The following SH3TC2 variants were observed in gnomAD, a reference collection of about 807,000 sequenced individuals.
SH3TC2 encodes SH3 domain and tetratricopeptide repeat-containing protein 2.
SH3TC2 carries 87 observed loss-of-function variants against 124.5 expected under a neutral mutation model. The ratio of observed to expected loss-of-function variants is 0.70; its 90% CI spans 0.59 to 0.84. The LOEUF is 0.84. SH3TC2 is among the 40% of genes least tolerant of loss of function. The pLI is 0.00. For synonymous variants in SH3TC2, 634 were observed against 628.5 expected (o/e 1.01, Z -0.13); for missense variants, 1,536 against 1,566.4 (o/e 0.98, Z 0.33).
chr5:149,040,523 T>G (rs1754351367), intron 7 of SH3TC2, 81 bp downstream of exon 7: 1 of 1,321,782 alleles, frequency 7.6e-7, no homozygotes, highest in Non-Finnish European at 1.1e-6. Flanking sequence ...TCACATCAAC[T>G]GACTCCAAAC....
intron 2 of SH3TC2, among the ~76,000 whole-genome samples, chr5:149,051,626 A>AT (rs1005424004): frequency 3.4e-4 from 52 of 151,808 alleles, no homozygotes; most frequent in African/African-American, 1.3e-3. Context: ...TAATTTTTTG[A>AT]TTTTTTGTTT....
At chr5:149,057,582 A>G (rs970391771) in intron 1 of SH3TC2, 6 of 152,176 alleles carry the variant, frequency 3.9e-5, no homozygotes, top group African/African-American at 1.4e-4. Flanking sequence ...ACAAATTTGC[A>G]TGTCATCCTT....
chr5:149,012,878 T>A, intron 12 of SH3TC2, 144 bp from the exon 13 acceptor site: 1 of 903,854 alleles, frequency 1.1e-6, no homozygotes, highest in Non-Finnish European at 1.8e-6. Context: ...ATGCCAGCTC[T>A]ACCCCAATCA....
intron 1 of SH3TC2, among the ~76,000 whole-genome samples, chr5:149,061,625 C>T (rs528610541): frequency 6.6e-6 from 1 of 152,134 alleles, no homozygotes; most frequent in Admixed American, 6.6e-5. Flanking sequence ...GTTGTCGAGG[C>T]AAGTAAAAGA....
At position 149,017,211 on chromosome 5, in the gene SH3TC2, G is replaced by C. The variant is rs142336101; in HGVS notation, c.3054-4477C>G. On this transcript the variant is annotated intron_variant, in intron 12 of 16. Transcript: ENST00000515425. ...TTTTTAGCACAGTGCCTGGGCCATA[G>C]TAAATGCTCGGTAAATATTTGTTGA... is the stretch of plus-strand genomic sequence containing the variant. 2.7e-3 allele frequency among the ~76,000 whole-genome samples: 414 copies of C among 152,236 alleles called. 2 individuals are homozygous for C. The highest frequency in any genetic ancestry group is 9.5e-3 in the African/African-American group (395 of 41,524).
rs1319197639 is a variant in SH3TC2 at position 148,997,042 on chromosome 5, TG to T, written c.*7668del. Among the ~76,000 whole-genome samples the T allele has an allele frequency of 6.6e-6, 1 of 152,212 alleles. No homozygotes were observed. Among genetic ancestry groups the T allele is most frequent in the Non-Finnish European group, 1.5e-5 (1 of 68,036 alleles). ...GCATAAGAAACAAAGCATCTGTACA[TG>T]AACATGGGCTCTTCCCAGGCTATTT... On this transcript the variant is annotated 3_prime_UTR_variant, in exon 17 of 17. Coordinates refer to ENST00000515425, the MANE Select transcript of SH3TC2 (RefSeq NM_024577.4).
chr5:149,045,639 G>A (rs1754446123), intron 3 of SH3TC2: 1 of 153,042 alleles, frequency 6.5e-6, no homozygotes, highest in African/African-American at 2.4e-5. Context: ...GGGTTTTTTT[G>A]TTTTCTTTTG....
chr5:149,058,052 C>T (rs1754681747), intron 1 of SH3TC2, among the ~76,000 whole-genome samples: 2 of 152,104 alleles, frequency 1.3e-5, no homozygotes, highest in Admixed American at 1.3e-4. Context: ...GACATTGAGT[C>T]CAACCCATAA....
rs1479725001 is a variant in SH3TC2, at chr5:148,987,470, T to C, written c.*17241A>G. Among the ~76,000 whole-genome samples, 2 of 152,244 alleles carry C rather than the reference T, an allele frequency of 1.3e-5. No homozygotes were observed. Among genetic ancestry groups the C allele is most frequent in the African/African-American group, 4.8e-5 (2 of 41,472 alleles). ...TCTCCCAGGCCTTATTCATGAGAGATCAGGCTGAGCTTCCAGCTAACATTT... is the reference window on the plus strand; with the variant it reads ...TCTCCCAGGCCTTATTCATGAGAGACCAGGCTGAGCTTCCAGCTAACATTT... On this transcript the variant is annotated 3_prime_UTR_variant, in exon 17 of 17. Coordinates refer to ENST00000515425, the MANE Select transcript of SH3TC2 (RefSeq NM_024577.4).
chr5:149,050,589 C>T (rs776526320), intron 2 of SH3TC2, among the ~76,000 whole-genome samples: 1 of 152,132 alleles, frequency 6.6e-6, no homozygotes, highest in Non-Finnish European at 1.5e-5. Context: ...CAGGTTTTTT[C>T]AGGGGTGGTC....
chr5:149,026,610 C>A lies in SH3TC2; in HGVS notation c.3015G>T (p.Glu1005Asp). 6.2e-7 allele frequency: 1 copy of A among 1,614,218 alleles called. No homozygotes were observed. Among genetic ancestry groups the A allele is most frequent in the South Asian group, 1.1e-5 (1 of 91,080 alleles). The stretch of plus-strand genomic sequence containing the variant: ...GGTTCCGATAAAGCTGCCCCAGGGA[C>A]TCCAGCAGCCTCCCTTCCATCTCCC... ...RDREMEGRLL[E>D]SLGQLYRNLN... Residue 1005 changes from glutamate to aspartate, a missense_variant, in exon 12 of 17, where the codon GAG (glutamate) becomes GAT (aspartate). This residue lies in a region of SH3TC2 where 426 missense variants were observed against 443.5 expected (regional missense o/e 0.96). Coordinates refer to ENST00000515425, the MANE Select transcript of SH3TC2 (RefSeq NM_024577.4).
chr5:149,022,732 T>C (rs1462666569), intron 12 of SH3TC2, among the ~76,000 whole-genome samples: 4 of 152,218 alleles, frequency 2.6e-5, no homozygotes, highest in African/African-American at 9.7e-5. Context: ...TATTGATACA[T>C]GTGACAACAT....
chr5:148,994,697 A>AGGATGGAT lies in SH3TC2; in HGVS notation c.*10006_*10013dup, dbSNP rs201323132. 0.23 allele frequency among the ~76,000 whole-genome samples: 32,658 copies of AGGATGGAT among 144,704 alleles called. 4,020 individuals carry two copies. The highest frequency in any genetic ancestry group is 0.24 in the African/African-American group (9,184 of 38,764). 94.9% of individuals were successfully genotyped at this position (144,704 alleles called of 152,430 possible). On this transcript the variant is annotated 3_prime_UTR_variant, in exon 17 of 17. Coordinates refer to ENST00000515425, the MANE Select transcript of SH3TC2 (RefSeq NM_024577.4). ...TTGGATAAATGAATGGATGGATGGA[A>AGGATGGAT]GGATGGATGGATGGATGGATGGATG...
chr5:149,028,590 C>T (rs769848173), intron 10 of SH3TC2, 36 bp from the exon 11 acceptor site: 25 of 1,614,050 alleles, frequency 1.5e-5, no homozygotes, highest in South Asian at 5.5e-5. Flanking sequence ...ACCTTGGGCA[C>T]CTGCACCTAA....
At chr5:149,041,125 C>T (rs1183136571) in intron 6 of SH3TC2, among the ~76,000 whole-genome samples, 2 of 152,178 alleles carry the variant, frequency 1.3e-5, no homozygotes, top group African/African-American at 4.8e-5. Flanking sequence ...GAGGCCCAGA[C>T]AAGTGGTCCC....
At chr5:149,011,332 G>A (rs1372765501) in intron 13 of SH3TC2, among the ~76,000 whole-genome samples, 4 of 152,242 alleles carry the variant, frequency 2.6e-5, no homozygotes, top group African/African-American at 9.6e-5. Context: ...GAGTCAGGAG[G>A]CTTTGCCACC....
rs1224067869 is a variant in SH3TC2 at position 149,040,659 on chromosome 5, AT to A, written c.749del (p.Tyr250PhefsTer27). 1.9e-6 allele frequency: 3 copies of A among 1,614,202 alleles called. No individual in the cohort carries two copies. Among genetic ancestry groups the A allele is most frequent in the Non-Finnish European group, 2.5e-6 (3 of 1,180,020 alleles). On this transcript the variant is annotated frameshift_variant, in exon 7 of 17. Coordinates refer to ENST00000515425, the MANE Select transcript of SH3TC2 (RefSeq NM_024577.4). LOFTEE classifies it high-confidence loss of function. ...TCCTGGAAAGGCCACAGCTTCCTGGATAATTCTTTAGGAACCACCTGCCAAT... is the reference window on the plus strand; with the variant it reads ...TCCTGGAAAGGCCACAGCTTCCTGGAAATTCTTTAGGAACCACCTGCCAAT... The part of the protein sequence containing the change: ...LPFHQWFLKN[Y>X]PGSCGLSRKR...
At chr5:149,018,429 C>T (rs1417962221) in intron 12 of SH3TC2, among the ~76,000 whole-genome samples, 1 of 152,132 alleles carries the variant, frequency 6.6e-6, no homozygotes, top group East Asian at 1.9e-4. Flanking sequence ...AATGGACTCA[C>T]AGTTCCATGT....
At chr5:149,035,094 C>T (rs934427641) in intron 8 of SH3TC2, among the ~76,000 whole-genome samples, 6 of 152,016 alleles carry the variant, frequency 3.9e-5, no homozygotes, top group Middle Eastern at 3.4e-3. Context: ...ATATATTACA[C>T]GTAGACACAT....
Sources: gnomAD v4.1 joint callset for allele counts (sites outside exome capture counted in the v4.1 genomes callset) on GRCh38, gnomAD v4.1.1 for gene constraint, gnomAD v4.1.1 regional missense constraint, MANE v1.5 for transcripts, NCBI Gene and HGNC (gene_info 2026-07-23, HGNC 2026-07-21) for gene names.